C4orf36: variants seen among roughly 807,000 people sequenced by gnomAD.
C4orf36 encodes the protein chromosome 4 open reading frame 36, also known as uncharacterized protein C4orf36.
Under a neutral mutation model 12.2 loss-of-function variants are expected in C4orf36, and 11 were observed. The observed-to-expected ratio is 0.90, with a 90% confidence interval of 0.57 to 1.49. C4orf36 has a LOEUF of 1.49. Among genes scored for constraint, C4orf36 ranks in the 40% most tolerant of loss-of-function variants. The pLI is 0.00. For missense variants in C4orf36, 137 were observed against 133.9 expected (o/e 1.02, Z -0.11); for synonymous variants, 54 against 51.3 (o/e 1.05, Z -0.22).
At chr4:86,919,446 C>T in the C4orf36 span, among the ~76,000 whole-genome samples, 1 of 150,608 alleles carries the variant, frequency 6.6e-6, no homozygotes, top group Non-Finnish European at 1.5e-5. Context: ...CCTCAGCCTC[C>T]TGAGTAGCTG....
At chr4:86,902,165 A>C in the C4orf36 span, among the ~76,000 whole-genome samples, 1 of 152,308 alleles carries the variant, frequency 6.6e-6, no homozygotes. Flanking sequence ...TCATGCCTGT[A>C]ATCTCAGCAC....
chr4:86,889,774 G>T (rs1270752940), intron 2 of C4orf36, among the ~76,000 whole-genome samples: 1 of 152,084 alleles, frequency 6.6e-6, no homozygotes, highest in Non-Finnish European at 1.5e-5. Context: ...AAAATTAGCC[G>T]AATGTGGTGG....
In C4orf36 at chr4:86,891,594, C is replaced by G; in HGVS notation, c.-73-1G>C. 1 of 1,605,778 alleles carries G rather than the reference C, an allele frequency of 6.2e-7. No homozygotes were observed. Among genetic ancestry groups the G allele is most frequent in the South Asian group, 1.1e-5 (1 of 90,060 alleles). On this transcript the variant is annotated splice_acceptor_variant, in intron 1 of 4. Transcript: ENST00000295898. LOFTEE classifies it low-confidence loss of function (5UTR_SPLICE). Reference sequence around the variant, plus strand: ...TCACAGATAACTCTGTTCACTTTACCTGAAATGATGGCAACGCACCTAATT... The same window carrying G: ...TCACAGATAACTCTGTTCACTTTACGTGAAATGATGGCAACGCACCTAATT...
At chr4:86,881,347 A>C (rs1251828393) in intron 4 of C4orf36, among the ~76,000 whole-genome samples, 1 of 152,192 alleles carries the variant, frequency 6.6e-6, no homozygotes, top group African/African-American at 2.4e-5. Context: ...ATATTTGTTC[A>C]TTCTGACCTT....
At chr4:86,935,656 GTTC>G in the C4orf36 span, 18 of 152,480 alleles carry the variant, frequency 1.2e-4, 1 homozygote, top group African/African-American at 3.9e-4. Context: ...GAAAAGTGGG[GTTC>G]TTCTCTCCTG....
At chr4:86,885,235 A>G (rs1407576389) in intron 4 of C4orf36, among the ~76,000 whole-genome samples, 1 of 152,168 alleles carries the variant, frequency 6.6e-6, no homozygotes, top group Non-Finnish European at 1.5e-5. Context: ...TTCTGTGAAG[A>G]AAGTCATTGG....
chr4:86,917,498 AAGAAAG>A, the C4orf36 span, among the ~76,000 whole-genome samples: 2 of 92,946 alleles, frequency 2.2e-5, no homozygotes, highest in Non-Finnish European at 5.3e-5. Context: ...AAGGGAGAGA[AAGAAAG>A]AGAAAAAGAA....
chr4:86,895,592 C>T (rs1260294119), upstream of C4orf36, among the ~76,000 whole-genome samples: 1 of 152,236 alleles, frequency 6.6e-6, no homozygotes, highest in African/African-American at 2.4e-5. Flanking sequence ...TGGCCTCTGC[C>T]ACTTCCCCAC....
intron 4 of C4orf36, among the ~76,000 whole-genome samples, chr4:86,878,636 T>G (rs757560755): frequency 5.3e-5 from 8 of 152,114 alleles, no homozygotes; most frequent in Non-Finnish European, 1.0e-4. Flanking sequence ...AGGAGAAAAA[T>G]TCTAACCCCA....
the C4orf36 span, among the ~76,000 whole-genome samples, chr4:86,911,831 C>T: frequency 2.6e-5 from 4 of 151,976 alleles, no homozygotes; most frequent in Non-Finnish European, 5.9e-5. Flanking sequence ...GGACCACAGG[C>T]ATGCACTATC....
At chr4:86,914,537 A>C in the C4orf36 span, 1 of 466,562 alleles carries the variant, frequency 2.1e-6, no homozygotes. Flanking sequence ...GGTAGCTGGG[A>C]TTACAGGCGC....
chr4:86,890,951 G>A (rs1292429592), intron 2 of C4orf36, among the ~76,000 whole-genome samples: 2 of 152,048 alleles, frequency 1.3e-5, no homozygotes, highest in African/African-American at 4.8e-5. Flanking sequence ...TGGAGCCCAC[G>A]TCTTCTTGAT....
the C4orf36 span, among the ~76,000 whole-genome samples, chr4:86,904,352 C>G: frequency 6.6e-6 from 1 of 152,224 alleles, no homozygotes; most frequent in East Asian, 1.9e-4. Flanking sequence ...CAGAGAGGGG[C>G]CCTCATAGCG....
upstream of C4orf36, among the ~76,000 whole-genome samples, chr4:86,896,375 G>T (rs1027686553): frequency 6.6e-6 from 1 of 152,182 alleles, no homozygotes; most frequent in Non-Finnish European, 1.5e-5. Flanking sequence ...TTCAAAAAGT[G>T]ACATTTTCTT....
intron 2 of C4orf36, among the ~76,000 whole-genome samples, chr4:86,888,514 A>G (rs1187046981): frequency 6.6e-6 from 1 of 152,218 alleles, no homozygotes; most frequent in African/African-American, 2.4e-5. Flanking sequence ...ACTTTGATTC[A>G]GCCTCCATGA....
the C4orf36 span, among the ~76,000 whole-genome samples, chr4:86,904,307 G>C: frequency 1.3e-5 from 2 of 152,216 alleles, no homozygotes; most frequent in African/African-American, 4.8e-5. Context: ...ACTTCCCCGC[G>C]AGCACAGGGA....
At chr4:86,922,944 TCTTC>T in the C4orf36 span, among the ~76,000 whole-genome samples, 1 of 150,436 alleles carries the variant, frequency 6.6e-6, no homozygotes, top group Admixed American at 6.6e-5. Context: ...TTTTTCTTCT[TCTTC>T]CTTTTTTTTT....
At chr4:86,894,300 TTC>T (rs1747544358), upstream of C4orf36, among the ~76,000 whole-genome samples, 1 of 152,222 alleles carries the variant, frequency 6.6e-6, no homozygotes, top group Non-Finnish European at 1.5e-5. Flanking sequence ...GCACTTTCAT[TTC>T]TGTTATATAC....
At chr4:86,934,363 C>G in the C4orf36 span, 5 of 152,148 alleles carry the variant, frequency 3.3e-5, no homozygotes, top group Non-Finnish European at 5.9e-5. Flanking sequence ...TTTGCCAAAG[C>G]CCCCTGCACC....
Sources: allele counts gnomAD v4.1 joint callset (sites outside exome capture counted in the v4.1 genomes callset), GRCh38; gene constraint gnomAD v4.1.1; transcripts MANE v1.5; gene names NCBI Gene and HGNC (gene_info 2026-07-23, HGNC 2026-07-21).